EBF3: variants seen among roughly 807,000 people sequenced by gnomAD.
The protein encoded by EBF3 is transcription factor COE3.
In EBF3, 18 loss-of-function variants were observed where a neutral mutation model predicts 77.1. The ratio of observed to expected loss-of-function variants is 0.23; its 90% confidence interval spans 0.16 to 0.35. The LOEUF is 0.35. Ranked by LOEUF, EBF3 falls within the 10% of genes least tolerant of loss-of-function variation. The pLI is 1.00. For synonymous variants in EBF3, 350 were observed against 343.5 expected (o/e 1.02, Z -0.21); for missense variants, 558 against 860.0 (o/e 0.65, Z 4.39).
intron 6 of EBF3, among the ~76,000 whole-genome samples, chr10:129,937,917 G>A (rs1857470359): frequency 6.6e-6 from 1 of 152,196 alleles, no homozygotes; most frequent in Non-Finnish European, 1.5e-5. Flanking sequence ...GGTGAAGCAT[G>A]ATGAAAACTC....
intron 6 of EBF3, among the ~76,000 whole-genome samples, chr10:129,955,641 T>C (rs543472731): frequency 5.9e-5 from 9 of 152,318 alleles, no homozygotes; most frequent in Non-Finnish European, 4.4e-5. Context: ...CAATAGTCAA[T>C]AAAGGATTGA....
intron 6 of EBF3, among the ~76,000 whole-genome samples, chr10:129,942,939 T>C (rs1212364573): frequency 2.0e-5 from 3 of 152,208 alleles, no homozygotes; most frequent in Non-Finnish European, 4.4e-5. Context: ...TTGACATTAA[T>C]TCAGCAGACC....
chr10:129,867,719 A>G, intron 9 of EBF3, 63 bp downstream of exon 9: 1 of 1,600,494 alleles, frequency 6.2e-7, no homozygotes, highest in East Asian at 2.2e-5. Context: ...CACTATTGAC[A>G]GCTTGTCAAA....
At chr10:129,932,891 T>C (rs1399053727) in intron 6 of EBF3, among the ~76,000 whole-genome samples, 2 of 114,084 alleles carry the variant, frequency 1.8e-5, no homozygotes, top group Non-Finnish European at 3.4e-5. Context: ...ATTTCTTTTT[T>C]TTCCTTTTTT....
At chr10:129,896,142 T>C (rs940201312) in intron 6 of EBF3, among the ~76,000 whole-genome samples, 1 of 138,826 alleles carries the variant, frequency 7.2e-6, no homozygotes, top group African/African-American at 2.8e-5. Context: ...AAGATTATTA[T>C]GAAGAAGTCA....
At chr10:129,903,833 T>C (rs1854954974) in intron 6 of EBF3, among the ~76,000 whole-genome samples, 1 of 152,190 alleles carries the variant, frequency 6.6e-6, no homozygotes, top group Admixed American at 6.5e-5. Context: ...TCACAGCATT[T>C]TACTGCCGGG....
intron 10 of EBF3, among the ~76,000 whole-genome samples, chr10:129,862,704 T>C (rs980393672): frequency 6.6e-6 from 1 of 152,216 alleles, no homozygotes; most frequent in Non-Finnish European, 1.5e-5. Context: ...TGCTTCACAC[T>C]TGAAAACATG....
intron 10 of EBF3, among the ~76,000 whole-genome samples, chr10:129,853,955 T>C (rs1218933737): frequency 1.3e-5 from 2 of 152,156 alleles, no homozygotes; most frequent in African/African-American, 4.8e-5. Flanking sequence ...GTGAAGAATG[T>C]TTTTCTGTCC....
In EBF3 at chr10:129,835,658, G is replaced by C. The variant is rs927871412; in HGVS notation, c.*2285C>G. On this transcript the variant is annotated 3_prime_UTR_variant, in exon 17 of 17. Transcript: ENST00000440978. ...CCATCACAAAGCCAGACTGTGACCT[G>C]CTGACTCCTGGGGACATTCTGTTTA... 8 of 152,488 alleles carry C rather than the reference G, an allele frequency of 5.2e-5. No homozygotes were observed. The highest frequency in any genetic ancestry group is 1.9e-4 in the African/African-American group (8 of 41,560). The allele number at this position is 152,488 out of a possible 1,614,324, so 9.4% of individuals were successfully genotyped here.
At position 129,944,399 on chromosome 10, in the gene EBF3, C is replaced by T. The variant is rs956970178; in HGVS notation, c.554+12859G>A. Among the ~76,000 whole-genome samples, 13 of 152,108 alleles carry T rather than the reference C, an allele frequency of 8.5e-5. No homozygotes were observed. Among genetic ancestry groups the T allele is most frequent in the South Asian group, 2.1e-4 (1 of 4,810 alleles). On this transcript the variant is annotated intron_variant, in intron 6 of 16. Transcript: ENST00000440978. This position sits in a 1 kb window ranked among gnomAD's most constrained non-coding sequence, Gnocchi z 5.1. ...CTTGATGTTAAATAGGGATCAATAC[C>T]GCTGGGCTGCAGATGAGATCTGATT...
At chr10:129,849,191 G>A (rs1427346007) in intron 10 of EBF3, among the ~76,000 whole-genome samples, 2 of 152,194 alleles carry the variant, frequency 1.3e-5, no homozygotes, top group Non-Finnish European at 2.9e-5. Flanking sequence ...TGCACACACT[G>A]TGTTTAACAA....
chr10:129,954,187 T>A (rs1172008185), intron 6 of EBF3, among the ~76,000 whole-genome samples: 1 of 152,228 alleles, frequency 6.6e-6, no homozygotes, highest in Non-Finnish European at 1.5e-5. Context: ...AGATACTTTT[T>A]TCCTGTAGTA....
Position 129,867,902 on chromosome 10 carries a change from G to A in EBF3, c.792C>T (p.Cys264=). The change falls in exon 9 of 17, where the codon TGC becomes TGT. Residue 264 remains cysteine, a synonymous_variant. Transcript: ENST00000440978. ...APSYLENATP[C]IKAISPSEGW... ...CTTCACTGGGACTGATGGCCTTGAT[G>A]CACGGAGTGGCTGCTCACACAAGAC... is the stretch of plus-strand genomic sequence containing the variant. The A allele has an allele frequency of 6.2e-7, 1 of 1,614,128 alleles. No individual in the cohort carries two copies.
Position 129,839,130 on chromosome 10 carries a change from C to G in EBF3, c.1825G>C (p.Gly609Arg). The G allele has an allele frequency of 7.7e-7, 1 of 1,304,350 alleles. No homozygotes were observed. The highest frequency in any genetic ancestry group is 5.5e-5 in the East Asian group (1 of 18,046). 80.8% of individuals were successfully genotyped at this position (1,304,350 alleles called of 1,614,324 possible). The change falls in exon 16 of 17, where the codon GGC becomes CGC. Residue 609 changes from glycine (G) to arginine (R), a missense_variant. Around this residue, in one of 5 missense-constraint regions of EBF3, gnomAD observed 284 missense variants for 368.3 expected, o/e 0.77. Transcript: ENST00000440978. ...KTNWPFCEVG[G>R]IFHFDELMLK... ...ATTAGTTCATCAAAGTGAAATATGC[C>G]ACCGACTTCACAAAAGGGCCAGTTT...
At chr10:129,948,386 G>T (rs1858404473) in intron 6 of EBF3, among the ~76,000 whole-genome samples, 1 of 151,956 alleles carries the variant, frequency 6.6e-6, no homozygotes, top group Non-Finnish European at 1.5e-5. Flanking sequence ...ATCCAGGGGT[G>T]CCAGGGGTTC....
chr10:129,911,789 G>A (rs901768603), intron 6 of EBF3, among the ~76,000 whole-genome samples: 2 of 152,152 alleles, frequency 1.3e-5, no homozygotes, highest in African/African-American at 4.8e-5. Flanking sequence ...CTCCAAGCTG[G>A]GAAGCCCAAG....
rs1352542452 is a variant in EBF3 at position 129,864,447 on chromosome 10, G to C, written c.1039+2694C>G. ...GAATCCCCAGGAGACAGCAGGCAAAGTGCAAAGAAAGGACTGGACCTTTCA... is the reference window on the plus strand; with the variant it reads ...GAATCCCCAGGAGACAGCAGGCAAACTGCAAAGAAAGGACTGGACCTTTCA... On this transcript the variant is annotated intron_variant, in intron 10 of 16. Coordinates refer to ENST00000440978, the MANE Select transcript of EBF3 (RefSeq NM_001375380.1). This position sits in a 1 kb window ranked among gnomAD's most constrained non-coding sequence, Gnocchi z 4.4. Among the ~76,000 whole-genome samples, 1 of 152,224 alleles carries C rather than the reference G, an allele frequency of 6.6e-6. No individual in the cohort carries two copies. Among genetic ancestry groups the C allele is most frequent in the Admixed American group, 6.5e-5 (1 of 15,286 alleles).
chr10:129,941,701 G>A (rs142647867), intron 6 of EBF3, among the ~76,000 whole-genome samples: 28 of 152,366 alleles, frequency 1.8e-4, no homozygotes, highest in African/African-American at 6.3e-4. Flanking sequence ...GGAGGCCAGA[G>A]AAAGGGGCAA....
At chr10:129,856,566 G>A (rs1161471362) in intron 10 of EBF3, among the ~76,000 whole-genome samples, 1 of 152,130 alleles carries the variant, frequency 6.6e-6, no homozygotes, top group Admixed American at 6.5e-5. Context: ...ATGGTTGCCA[G>A]GAGCTAGGGG....
Sources: gnomAD v4.1 joint callset for allele counts (sites outside exome capture counted in the v4.1 genomes callset) on GRCh38, gnomAD v4.1.1 for gene constraint, gnomAD v4.1.1 regional missense constraint, Gnocchi (gnomAD v3.1) non-coding constraint, MANE v1.5 for transcripts, NCBI Gene and HGNC (gene_info 2026-07-23, HGNC 2026-07-21) for gene names.